The following AFG2A variants were observed in gnomAD, a reference collection of about 807,000 sequenced individuals.
AFG2A encodes the protein ATPase family gene 2 protein homolog A.
At chr4:123,131,498 C>T in the AFG2A span, among the ~76,000 whole-genome samples, 4 of 152,120 alleles carry the variant, frequency 2.6e-5, no homozygotes, top group African/African-American at 9.7e-5. Flanking sequence ...AACAACTCTG[C>T]ATTACCTCCT....
At chr4:123,221,750 C>A in the AFG2A span, among the ~76,000 whole-genome samples, 1 of 151,932 alleles carries the variant, frequency 6.6e-6, no homozygotes, top group Non-Finnish European at 1.5e-5. Flanking sequence ...CATGGTGAAA[C>A]CCCGTCTCTA....
the AFG2A span, among the ~76,000 whole-genome samples, chr4:123,255,547 A>G: frequency 6.6e-6 from 1 of 151,090 alleles, no homozygotes; most frequent in African/African-American, 2.4e-5. Context: ...GTGAGCCACC[A>G]TACCTGTCCT....
At chr4:122,985,767 T>G in the AFG2A span, among the ~76,000 whole-genome samples, 1 of 151,802 alleles carries the variant, frequency 6.6e-6, no homozygotes, top group South Asian at 2.1e-4. Flanking sequence ...TTTTTCAATT[T>G]TATTTCTTTC....
chr4:123,022,484 G>C, the AFG2A span, among the ~76,000 whole-genome samples: 2 of 150,760 alleles, frequency 1.3e-5, no homozygotes, highest in African/African-American at 4.9e-5. Flanking sequence ...ACCACAATGA[G>C]ATACCATCTC....
the AFG2A span, among the ~76,000 whole-genome samples, chr4:123,158,604 G>A: frequency 1.3e-5 from 2 of 152,158 alleles, no homozygotes; most frequent in East Asian, 1.9e-4. Flanking sequence ...AGAACTTCGG[G>A]TCAAGAAATA....
At chr4:123,158,925 G>A in the AFG2A span, among the ~76,000 whole-genome samples, 1 of 152,142 alleles carries the variant, frequency 6.6e-6, no homozygotes, top group Admixed American at 6.5e-5. Context: ...CAGTAAAGGT[G>A]ATCTTAATCT....
At chr4:123,035,622 TA>T in the AFG2A span, among the ~76,000 whole-genome samples, 1 of 152,158 alleles carries the variant, frequency 6.6e-6, no homozygotes, top group Admixed American at 6.5e-5. Flanking sequence ...CATTTGTCAT[TA>T]TTTGTACAGT....
At chr4:123,235,083 A>T in the AFG2A span, among the ~76,000 whole-genome samples, 2 of 152,140 alleles carry the variant, frequency 1.3e-5, no homozygotes, top group Non-Finnish European at 2.9e-5. Flanking sequence ...GCCTCTAACC[A>T]TAGCATGGGA....
At chr4:122,949,444 A>C in the AFG2A span, among the ~76,000 whole-genome samples, 2 of 152,192 alleles carry the variant, frequency 1.3e-5, no homozygotes, top group Non-Finnish European at 2.9e-5. Flanking sequence ...CCAGGTACTC[A>C]TGTTAACTGC....
At chr4:122,955,302 T>C in the AFG2A span, among the ~76,000 whole-genome samples, 1 of 152,108 alleles carries the variant, frequency 6.6e-6, no homozygotes, top group South Asian at 2.1e-4. Flanking sequence ...TCAGGTGCAT[T>C]TGCCATACAC....
At chr4:123,026,000 CACAG>C in the AFG2A span, among the ~76,000 whole-genome samples, 1 of 152,034 alleles carries the variant, frequency 6.6e-6, no homozygotes, top group East Asian at 1.9e-4. Context: ...TTGGATTTGT[CACAG>C]ACAATGAGTT....
At chr4:123,218,827 T>C in the AFG2A span, among the ~76,000 whole-genome samples, 1 of 152,166 alleles carries the variant, frequency 6.6e-6, no homozygotes, top group Non-Finnish European at 1.5e-5. Flanking sequence ...AGCAATAATA[T>C]TGGGGCTATT....
the AFG2A span, among the ~76,000 whole-genome samples, chr4:123,079,125 A>G: frequency 6.6e-6 from 1 of 152,200 alleles, no homozygotes; most frequent in African/African-American, 2.4e-5. Context: ...TCTGTTTCCT[A>G]AAGTAGTGCC....
the AFG2A span, among the ~76,000 whole-genome samples, chr4:122,999,485 A>G: frequency 6.6e-6 from 1 of 152,252 alleles, no homozygotes; most frequent in South Asian, 2.1e-4. Context: ...TAATTTTTGT[A>G]TAAGGTGTAA....
chr4:123,024,726 C>T, the AFG2A span, among the ~76,000 whole-genome samples: 2 of 152,224 alleles, frequency 1.3e-5, no homozygotes, highest in South Asian at 4.1e-4. Context: ...GATTCTGGTT[C>T]AGAGTCAGAG....
At chr4:123,014,264 TTC>T in the AFG2A span, among the ~76,000 whole-genome samples, 1 of 152,234 alleles carries the variant, frequency 6.6e-6, no homozygotes, top group Non-Finnish European at 1.5e-5. Flanking sequence ...AGGGAAGTTA[TTC>T]AAGGAATTTG....
chr4:123,296,783 C>T, the AFG2A span, among the ~76,000 whole-genome samples: 1 of 152,162 alleles, frequency 6.6e-6, no homozygotes, highest in African/African-American at 2.4e-5. Context: ...AAACAAATAG[C>T]ATTATCTTTT....
the AFG2A span, chr4:122,935,945 T>C: frequency 7.6e-7 from 1 of 1,318,996 alleles, no homozygotes; most frequent in Non-Finnish European, 1.0e-6. Flanking sequence ...TTTTGTACAC[T>C]GAAATATTTT....
chr4:123,245,817 C>G, the AFG2A span, among the ~76,000 whole-genome samples: 2 of 152,150 alleles, frequency 1.3e-5, no homozygotes, highest in East Asian at 3.8e-4. Flanking sequence ...TGTTGACATA[C>G]AGAAATCTGT....
Sources: allele counts gnomAD v4.1 joint callset (sites outside exome capture counted in the v4.1 genomes callset), GRCh38; gene constraint gnomAD v4.1.1; transcripts MANE v1.5; gene names NCBI Gene and HGNC (gene_info 2026-07-23, HGNC 2026-07-21).